EFR3B: variants seen among roughly 807,000 people sequenced by gnomAD.
EFR3B encodes EFR3 homolog B.
A neutral mutation model predicts 104.7 loss-of-function variants in EFR3B; 64 were observed. The observed-to-expected ratio is 0.61, with a 90% CI of 0.50 to 0.75. The LOEUF is 0.75. EFR3B is among the 30% of genes least tolerant of loss of function. The probability of loss-of-function intolerance (pLI) is 0.00; values close to 1 mark genes in which losing one functional copy is unlikely to be tolerated. For missense variants in EFR3B, 750 were observed against 1,078.5 expected (o/e 0.70, Z 4.27); for synonymous variants, 385 against 417.9 (o/e 0.92, Z 0.96).
At chr2:25,124,268 G>C (rs920514231) in intron 5 of EFR3B, among the ~76,000 whole-genome samples, 3 of 145,694 alleles carry the variant, frequency 2.1e-5, no homozygotes, top group African/African-American at 7.6e-5. Context: ...CAGTGGGCCT[G>C]TGCATGCAAG....
chr2:25,145,743 T>C (rs1158424559), intron 19 of EFR3B: 1 of 152,182 alleles, frequency 6.6e-6, no homozygotes, highest in Non-Finnish European at 1.5e-5. Flanking sequence ...ATTTACACTA[T>C]TTTTAAAGCA....
At position 25,091,311 on chromosome 2, in the gene EFR3B, C is replaced by G; in HGVS notation, c.8-14C>G. On this transcript the variant is annotated splice_polypyrimidine_tract_variant and intron_variant, in intron 1 of 22. Coordinates refer to ENST00000403714, the MANE Select transcript of EFR3B (RefSeq NM_014971.2). ...AGGAGGCTTTGCTCACAGTTTTTCC[C>G]ATTCTTATTCCAGGTGTGTGTGGCT... is the stretch of plus-strand genomic sequence containing the variant. The G allele has an allele frequency of 6.5e-7, 1 of 1,549,162 alleles. No individual in the cohort carries two copies.
At chr2:25,088,128 CG>C (rs1403961805) in intron 1 of EFR3B, among the ~76,000 whole-genome samples, 3 of 151,312 alleles carry the variant, frequency 2.0e-5, no homozygotes, top group Non-Finnish European at 3.0e-5. Flanking sequence ...CTTCCCCTAC[CG>C]CATGGCAGCC....
rs1335249097 is a variant in EFR3B at position 25,137,061 on chromosome 2, T to C, written c.1561-280T>C. On this transcript the variant is annotated intron_variant, in intron 14 of 22. Transcript: ENST00000403714. The surrounding 1 kb of genome is among the most constrained non-coding windows in gnomAD (Gnocchi z 4.7). ...CCTCTCTGAGGAGTCAAGCCCAGAG[T>C]GATGAGCCAGTCCAGGGCCAGTGAC... is the stretch of plus-strand genomic sequence containing the variant. Among the ~76,000 whole-genome samples the C allele has an allele frequency of 6.6e-6, 1 of 151,970 alleles. No individual in the cohort carries two copies. Among genetic ancestry groups the C allele is most frequent in the East Asian group, 1.9e-4 (1 of 5,174 alleles).
intron 4 of EFR3B, among the ~76,000 whole-genome samples, chr2:25,112,691 AT>A (rs1558606524): frequency 6.6e-6 from 1 of 152,230 alleles, no homozygotes; most frequent in African/African-American, 2.4e-5. Flanking sequence ...AATTTGGGCA[AT>A]GTTCTTTGGT....
chr2:25,149,347 C>G (rs1670939339), intron 19 of EFR3B, among the ~76,000 whole-genome samples: 1 of 151,976 alleles, frequency 6.6e-6, no homozygotes, highest in Admixed American at 6.6e-5. Flanking sequence ...GACTCTGTCT[C>G]AAAATAAAAT....
intron 1 of EFR3B, among the ~76,000 whole-genome samples, chr2:25,069,995 C>G (rs1668450586): frequency 6.6e-6 from 1 of 152,214 alleles, no homozygotes; most frequent in African/African-American, 2.4e-5. Flanking sequence ...CCACACCCAG[C>G]CAGGGTTGTA....
chr2:25,127,322 CAT>C (rs2149203440), intron 5 of EFR3B, among the ~76,000 whole-genome samples: 1 of 150,004 alleles, frequency 6.7e-6, no homozygotes, highest in South Asian at 2.1e-4. Context: ...GAGTTAATGA[CAT>C]AGGAAAATGC....
At chr2:25,091,042 C>T (rs908347535) in intron 1 of EFR3B, among the ~76,000 whole-genome samples, 36 of 152,214 alleles carry the variant, frequency 2.4e-4, no homozygotes, top group Admixed American at 2.1e-3. Context: ...CCTCAAAATG[C>T]TCCCTGTGGC....
chr2:25,063,262 C>G lies in EFR3B; in HGVS notation c.7+20943C>G, dbSNP rs549446520. On this transcript the variant is annotated intron_variant, in intron 1 of 22. Transcript: ENST00000403714. The stretch of plus-strand genomic sequence containing the variant: ...GCCGAAGGATTGATTTTTCCATTTC[C>G]TCCTTGGGGCTTTTGTGACCTCACA... Among the ~76,000 whole-genome samples, 4 of 152,214 alleles carry G rather than the reference C, an allele frequency of 2.6e-5. No homozygotes were observed. The South Asian group carries it at 8.3e-4, about 32-fold the overall frequency.
intron 3 of EFR3B, among the ~76,000 whole-genome samples, chr2:25,100,213 A>T (rs941508110): frequency 2.6e-5 from 4 of 151,990 alleles, no homozygotes; most frequent in East Asian, 3.9e-4. Context: ...TCAAAAAAAA[A>T]ATTTTTTTTT....
rs1668561383 is a variant in EFR3B at position 25,073,818 on chromosome 2, C to T, written c.8-17507C>T. On this transcript the variant is annotated intron_variant, in intron 1 of 22. Transcript: ENST00000403714. ...TTTTTCTCCTGTTCTCCTGGTAGGC[C>T]CACCTCCTTCCAGGCTCTGCCTCAA... Among the ~76,000 whole-genome samples the T allele has an allele frequency of 2.0e-5, 3 of 152,206 alleles. 1 individual carries two copies. In the South Asian group the frequency reaches 6.2e-4, roughly 32 times the overall value.
chr2:25,133,033 C>G lies in EFR3B; in HGVS notation c.1259+19C>G. ...GGACGGGGTGAGCCACCAATCTCCCCCAGCCTGGAGTCCTCCTCTCCCCCA... is the reference window on the plus strand; with the variant it reads ...GGACGGGGTGAGCCACCAATCTCCCGCAGCCTGGAGTCCTCCTCTCCCCCA... On this transcript the variant is annotated intron_variant, in intron 11 of 22. Transcript: ENST00000403714. 3.9e-6 allele frequency: 6 copies of G among 1,547,052 alleles called. No homozygotes were observed. Among genetic ancestry groups the G allele is most frequent in the Non-Finnish European group, 5.2e-6 (6 of 1,142,938 alleles).
At chr2:25,074,564 C>CA (rs1163531930) in intron 1 of EFR3B, among the ~76,000 whole-genome samples, 20 of 145,196 alleles carry the variant, frequency 1.4e-4, no homozygotes, top group South Asian at 2.2e-4. Flanking sequence ...GACTCCATCT[C>CA]AAAAAAAAAG....
At chr2:25,092,776 G>A (rs1055825928) in intron 2 of EFR3B, among the ~76,000 whole-genome samples, 7 of 152,040 alleles carry the variant, frequency 4.6e-5, no homozygotes, top group African/African-American at 1.2e-4. Context: ...TCTCAAACTC[G>A]TGATCTGCCC....
At chr2:25,052,067 A>G (rs1472328720) in intron 1 of EFR3B, among the ~76,000 whole-genome samples, 2 of 151,644 alleles carry the variant, frequency 1.3e-5, no homozygotes, top group Admixed American at 1.3e-4. Flanking sequence ...ATGGTGGCAC[A>G]TGCCTGTAAT....
intron 1 of EFR3B, among the ~76,000 whole-genome samples, chr2:25,050,768 G>C (rs13030697): frequency 0.093 from 14,225 of 152,206 alleles, 877 homozygotes; most frequent in East Asian, 0.24. Context: ...CAATTAAGAG[G>C]GGGAAAGTCA....
intron 16 of EFR3B, 119 bp downstream of exon 16, chr2:25,139,309 G>GT (rs1416772897): frequency 1.6e-6 from 2 of 1,231,758 alleles, no homozygotes; most frequent in African/African-American, 3.1e-5. Flanking sequence ...CAGGGTTGAA[G>GT]TAAGAACCAC....
intron 1 of EFR3B, among the ~76,000 whole-genome samples, chr2:25,068,693 G>C (rs1227343176): frequency 6.6e-6 from 1 of 150,528 alleles, no homozygotes; most frequent in African/African-American, 2.4e-5. Flanking sequence ...ACAGTGGCGC[G>C]ATCTCGGCTC....
Sources: allele counts gnomAD v4.1 joint callset (sites outside exome capture counted in the v4.1 genomes callset), GRCh38; gene constraint gnomAD v4.1.1; non-coding constraint Gnocchi (gnomAD v3.1); transcripts MANE v1.5; gene names NCBI Gene and HGNC (gene_info 2026-07-23, HGNC 2026-07-21).